Variants in MGAT3 observed in about 807,000 individuals in gnomAD.
The protein encoded by MGAT3 is beta-1,4-mannosyl-glycoprotein 4-beta-N-acetylglucosaminyltransferase.
In MGAT3, 9 loss-of-function variants were observed where a neutral mutation model predicts 29.8. That is an observed-to-expected ratio of 0.30 (90% confidence interval 0.18 to 0.53). The LOEUF is 0.53. Among genes scored for constraint, MGAT3 ranks in the 20% least tolerant of loss-of-function variants. MGAT3 has a pLI of 0.96. For missense variants in MGAT3, 557 were observed against 769.5 expected, an observed-to-expected ratio of 0.72 and a Z score of 3.27; for synonymous variants, 397 against 348.9, an observed-to-expected ratio of 1.14 and a Z score of -1.54.
intron 1 of MGAT3, among the ~76,000 whole-genome samples, chr22:39,459,656 T>C (rs1218771537): frequency 2.0e-5 from 3 of 152,076 alleles, no homozygotes; most frequent in Non-Finnish European, 4.4e-5. Flanking sequence ...TTAATAGAGA[T>C]GAGGTTTTGC....
At chr22:39,474,261 G>A (rs1037601298) in intron 1 of MGAT3, among the ~76,000 whole-genome samples, 2 of 152,176 alleles carry the variant, frequency 1.3e-5, no homozygotes, top group Non-Finnish European at 2.9e-5. Context: ...CCTGGGCAGC[G>A]AATCCGATCA....
intron 1 of MGAT3, among the ~76,000 whole-genome samples, chr22:39,464,807 G>A (rs1464771953): frequency 1.3e-5 from 2 of 151,714 alleles, no homozygotes; most frequent in Admixed American, 6.6e-5. Flanking sequence ...CTGGAGTGCA[G>A]TGGCATGATC....
rs1353771184 is a variant in MGAT3, at chr22:39,487,449, C to T, written c.102C>T (p.Phe34=). The T allele has an allele frequency of 1.9e-6, 3 of 1,613,702 alleles. No individual in the cohort carries two copies. Among genetic ancestry groups the T allele is most frequent in the African/African-American group, 1.3e-5 (1 of 75,038 alleles). The change falls in exon 2 of 2, where the codon TTC becomes TTT. Residue 34 remains phenylalanine (F), a synonymous_variant. Transcript: ENST00000341184. This position sits in a 1 kb window ranked among gnomAD's most constrained non-coding sequence, Gnocchi z 5.7. ...HFFKTLSYVT[F]PRELASLSPN... ...TCAAGACCCTGTCCTATGTCACCTT[C>T]CCCCGAGAACTGGCCTCCCTCAGCC...
rs367911056 is a variant in MGAT3 at position 39,488,735 on chromosome 22, G to A, written c.1388G>A (p.Gly463Asp). Reference protein sequence around the residue: ...NYIRGLIRTGGWFDGTQQEYP... With the variant: ...NYIRGLIRTGDWFDGTQQEYP... ...ATCCGCGGCCTGATCCGCACCGGGG[G>A]CTGGTTCGACGGCACGCAGCAGGAG... The change falls in exon 2 of 2, where the codon GGC becomes GAC. Residue 463 changes from glycine (G) to aspartate (D), a missense_variant. Coordinates refer to ENST00000341184, the MANE Select transcript of MGAT3 (RefSeq NM_002409.5). 1.2e-6 allele frequency: 2 copies of A among 1,613,556 alleles called. No individual in the cohort carries two copies. Among genetic ancestry groups the A allele is most frequent in the Non-Finnish European group, 1.7e-6 (2 of 1,179,946 alleles).
In MGAT3 at chr22:39,489,077, G is replaced by T; in HGVS notation, c.*128G>T. Reference sequence around the variant, plus strand: ...GAGTGGGTGGGGAGTGGGGGTGGGGGTAGGGTTTCCCTACTGAAGCCCTTG... The same window carrying T: ...GAGTGGGTGGGGAGTGGGGGTGGGGTTAGGGTTTCCCTACTGAAGCCCTTG... On this transcript the variant is annotated 3_prime_UTR_variant, in exon 2 of 2. Coordinates refer to ENST00000341184, the MANE Select transcript of MGAT3 (RefSeq NM_002409.5). The T allele has an allele frequency of 8.9e-7, 1 of 1,123,174 alleles. No individual in the cohort carries two copies. The highest frequency in any genetic ancestry group is 1.2e-6 in the Non-Finnish European group (1 of 804,512). The allele number at this position is 1,123,174 out of a possible 1,614,324, so 69.6% of individuals were successfully genotyped here.
In MGAT3 at chr22:39,484,021, C is replaced by T. The variant is rs150571331; in HGVS notation, c.-1-3326C>T. On this transcript the variant is annotated intron_variant, in intron 1 of 1. Coordinates refer to ENST00000341184, the MANE Select transcript of MGAT3 (RefSeq NM_002409.5). ...TCTTACCAGCCTGCTCAGGACTCCT[C>T]GCAAGCTGAGGTCATGAGGGGCACC... is the stretch of plus-strand genomic sequence containing the variant. Among the ~76,000 whole-genome samples the T allele has an allele frequency of 6.4e-3, 975 of 152,330 alleles. 4 individuals are homozygous for T. Among genetic ancestry groups the T allele is most frequent in the Non-Finnish European group, 0.01 (696 of 68,022 alleles).
At chr22:39,478,654 AGT>A (rs903927770) in intron 1 of MGAT3, among the ~76,000 whole-genome samples, 2 of 152,170 alleles carry the variant, frequency 1.3e-5, no homozygotes, top group African/African-American at 4.8e-5. Context: ...GACAGCTGTC[AGT>A]GTGAGTCTGC....
chr22:39,483,504 A>T (rs1055102993), intron 1 of MGAT3, among the ~76,000 whole-genome samples: 5 of 56,478 alleles, frequency 8.9e-5, no homozygotes, highest in South Asian at 5.0e-4. Flanking sequence ...TAAAAAATTA[A>T]AAAAAAAAAG....
chr22:39,474,352 T>C (rs533909515), intron 1 of MGAT3, among the ~76,000 whole-genome samples: 51 of 152,266 alleles, frequency 3.3e-4, no homozygotes, highest in African/African-American at 1.2e-3. Flanking sequence ...AGAGGGACCC[T>C]TGCCTTGGGC....
At chr22:39,476,270 C>T (rs993444288) in intron 1 of MGAT3, among the ~76,000 whole-genome samples, 7 of 152,174 alleles carry the variant, frequency 4.6e-5, no homozygotes, top group Admixed American at 2.0e-4. Context: ...CACCCTGGAG[C>T]TGAGCCAGCA....
At chr22:39,468,047 A>G (rs1217773137) in intron 1 of MGAT3, among the ~76,000 whole-genome samples, 3 of 151,814 alleles carry the variant, frequency 2.0e-5, no homozygotes, top group Admixed American at 2.0e-4. Flanking sequence ...CCCTGGGCAC[A>G]TCCCCTCTCC....
intron 1 of MGAT3, among the ~76,000 whole-genome samples, chr22:39,475,129 T>C (rs1264327211): frequency 6.3e-5 from 2 of 31,592 alleles, no homozygotes; most frequent in South Asian, 1.9e-3. Context: ...CTTGCCAGGC[T>C]TTTTTTTTTT....
At chr22:39,472,946 T>C (rs1226960700) in intron 1 of MGAT3, 1 of 152,422 alleles carries the variant, frequency 6.6e-6, no homozygotes, top group African/African-American at 2.4e-5. Context: ...GCAGCTGCAA[T>C]GCGGGCTGGA....
intron 1 of MGAT3, among the ~76,000 whole-genome samples, chr22:39,460,274 G>A (rs1326549367): frequency 6.6e-6 from 1 of 152,252 alleles, no homozygotes; most frequent in African/African-American, 2.4e-5. Flanking sequence ...GTGCTGGACA[G>A]AGAGGACATA....
intron 1 of MGAT3, among the ~76,000 whole-genome samples, chr22:39,469,765 T>C (rs1021354971): frequency 3.3e-5 from 5 of 152,190 alleles, no homozygotes; most frequent in Non-Finnish European, 1.5e-5. Flanking sequence ...GAGATAGAGC[T>C]GAGGCTGTGT....
At chr22:39,484,901 G>C (rs1003243001) in intron 1 of MGAT3, among the ~76,000 whole-genome samples, 1 of 152,120 alleles carries the variant, frequency 6.6e-6, no homozygotes, top group Non-Finnish European at 1.5e-5. Context: ...TACTTGGGAG[G>C]CTGAGGCAAG....
chr22:39,476,162 A>G (rs143996411), intron 1 of MGAT3, among the ~76,000 whole-genome samples: 140 of 135,372 alleles, frequency 1.0e-3, no homozygotes, highest in Middle Eastern at 7.1e-3. Context: ...TTTGGAGGGG[A>G]GAGAGTGGTG....
At position 39,490,284 on chromosome 22, in the gene MGAT3, G is replaced by C. The variant is rs1173608925; in HGVS notation, c.*1335G>C. On this transcript the variant is annotated 3_prime_UTR_variant, in exon 2 of 2. Transcript: ENST00000341184. ...GAGGGCACACCCACTTTTTGCTAAA[G>C]GCATGAGCCAGAATTGGCAGGCTCA... The C allele has an allele frequency of 6.0e-6, 1 of 167,100 alleles. No individual in the cohort carries two copies. The highest frequency in any genetic ancestry group is 6.5e-5 in the Admixed American group (1 of 15,284). 10.4% of individuals were successfully genotyped at this position (167,100 alleles called of 1,614,324 possible).
intron 1 of MGAT3, among the ~76,000 whole-genome samples, chr22:39,482,698 G>GC (rs1278252448): frequency 1.3e-5 from 2 of 152,252 alleles, no homozygotes; most frequent in Non-Finnish European, 2.9e-5. Flanking sequence ...GCGGGCAGCT[G>GC]CAAGTGAAGG....
Sources: gnomAD v4.1 joint callset for allele counts (sites outside exome capture counted in the v4.1 genomes callset) on GRCh38, gnomAD v4.1.1 for gene constraint, Gnocchi (gnomAD v3.1) non-coding constraint, MANE v1.5 for transcripts, NCBI Gene and HGNC (gene_info 2026-07-23, HGNC 2026-07-21) for gene names.